Variants in CIITA observed in about 807,000 individuals in gnomAD.
CIITA encodes class II major histocompatibility complex transactivator.
A neutral mutation model predicts 115.1 loss-of-function variants in CIITA; 72 were observed. The observed-to-expected ratio is 0.63, with a 90% CI of 0.52 to 0.76. The LOEUF (loss-of-function observed/expected upper bound fraction) is 0.76. Among genes scored for constraint, CIITA ranks in the 30% least tolerant of loss-of-function variants. CIITA has a pLI of 0.00. For missense variants in CIITA, 1,617 were observed against 1,463.8 expected (o/e 1.10, Z -1.71); for synonymous variants, 763 against 635.6 (o/e 1.20, Z -3.02).
chr16:10,938,645 C>G (rs1567469101), downstream of CIITA: 1 of 152,186 alleles, frequency 6.6e-6, no homozygotes, highest in Non-Finnish European at 1.5e-5. This position sits in a 1 kb window ranked among gnomAD's most constrained non-coding sequence, Gnocchi z 4.9. Context: ...CTCTCATACC[C>G]TGGGGTTCTG....
rs937967039 is a variant in CIITA, at chr16:10,933,983, G to A, written c.*10128G>A. On this transcript the variant is annotated 3_prime_UTR_variant, in exon 20 of 20. Coordinates refer to ENST00000324288, the MANE Select transcript of CIITA (RefSeq NM_000246.4). ...ACAGACGGCAAAGGAGAAGCTGCCT[G>A]TCTCTGCACAGGTCCATGTCCCTGA... 2 of 152,220 alleles carry A rather than the reference G, an allele frequency of 1.3e-5. No individual in the cohort carries two copies. The highest frequency in any genetic ancestry group is 1.9e-4 in the East Asian group (1 of 5,200). 9.4% of individuals were successfully genotyped at this position (152,220 alleles called of 1,614,324 possible). A position where few individuals can be genotyped will look rare whatever the true frequency, so the allele number is the denominator to read the frequency against.
At chr16:10,895,805 A>G in intron 3 of CIITA, 41 bp downstream of exon 3, 17 of 1,595,076 alleles carry the variant, frequency 1.1e-5, no homozygotes, top group Non-Finnish European at 1.5e-5. Context: ...AATCAAGGGC[A>G]AGAGTTCTTT....
At chr16:10,896,858 A>C (rs977563148) in intron 3 of CIITA, among the ~76,000 whole-genome samples, 2 of 152,252 alleles carry the variant, frequency 1.3e-5, no homozygotes, top group Non-Finnish European at 2.9e-5. Context: ...AAGGAAGAAA[A>C]TGGAGGGGAC....
At position 10,923,167 on chromosome 16, in the gene CIITA, C is replaced by A; in HGVS notation, c.3318-61C>A. On this transcript the variant is annotated intron_variant, in intron 18 of 19. Coordinates refer to ENST00000324288, the MANE Select transcript of CIITA (RefSeq NM_000246.4). The surrounding 1 kb of genome is among the most constrained non-coding windows in gnomAD (Gnocchi z 5.2). ...AGGAGGGATTTGGGGGCAGCTGTCA[C>A]TGGGGCCCCAGGCCGCCCTCTCTCC... 2 of 1,474,128 alleles carry A rather than the reference C, an allele frequency of 1.4e-6. No homozygotes were observed. Among genetic ancestry groups the A allele is most frequent in the Non-Finnish European group, 1.9e-6 (2 of 1,059,276 alleles). 91.3% of individuals were successfully genotyped at this position (1,474,128 alleles called of 1,614,324 possible). A position where few individuals can be genotyped will look rare whatever the true frequency, so the allele number is the denominator to read the frequency against.
At chr16:10,867,325 G>GGC (rs1026316781) in intron 1 of CIITA, among the ~76,000 whole-genome samples, 9 of 147,488 alleles carry the variant, frequency 6.1e-5, no homozygotes, top group Non-Finnish European at 1.2e-4. Context: ...GTGTGTGTTG[G>GGC]GGGGGGGCAT....
intron 15 of CIITA, among the ~76,000 whole-genome samples, chr16:10,917,299 C>T (rs2040007100): frequency 6.6e-6 from 1 of 151,942 alleles, no homozygotes; most frequent in East Asian, 1.9e-4. Context: ...TCTCAACCTT[C>T]TGAGTAGCTG....
rs775456380 is a variant in CIITA at position 10,942,015 on chromosome 16, G to T, written n.1141G>T. 11 of 1,426,200 alleles carry T rather than the reference G, an allele frequency of 7.7e-6. No homozygotes were observed. Among genetic ancestry groups the T allele is most frequent in the Non-Finnish European group, 1.0e-5 (11 of 1,089,402 alleles). The allele number at this position is 1,426,200 out of a possible 1,614,324, so 88.3% of individuals were successfully genotyped here. Reference sequence around the variant, plus strand: ...CCCGGGCGCCGAGCATGCAGCGGGTGGCAAGGGCGGCGGCCCGGCGATCCC... The same window carrying T: ...CCCGGGCGCCGAGCATGCAGCGGGTTGCAAGGGCGGCGGCCCGGCGATCCC... On this transcript the variant is annotated non_coding_transcript_exon_variant, in exon 2 of 2. Coordinates refer to the CIITA transcript ENST00000573379. The surrounding 1 kb of genome is among the most constrained non-coding windows in gnomAD (Gnocchi z 5.0).
At chr16:10,896,713 G>A (rs192558050) in intron 3 of CIITA, among the ~76,000 whole-genome samples, 3 of 152,320 alleles carry the variant, frequency 2.0e-5, no homozygotes, top group Admixed American at 1.3e-4. Context: ...GCACCTGTGT[G>A]CAGTGAACAA....
At chr16:10,921,529 C>T (rs1414015148) in intron 16 of CIITA, among the ~76,000 whole-genome samples, 1 of 152,174 alleles carries the variant, frequency 6.6e-6, no homozygotes, top group African/African-American at 2.4e-5. Flanking sequence ...GTTATATCAG[C>T]ATTGATTCAT....
At chr16:10,916,592 A>G in intron 15 of CIITA, 133 bp downstream of exon 15, 1 of 777,858 alleles carries the variant, frequency 1.3e-6, no homozygotes, top group Non-Finnish European at 2.2e-6. Flanking sequence ...TAGTGCTATG[A>G]TCATACCTCT....
rs1266783813 is a variant in CIITA at position 10,922,103 on chromosome 16, G to A, written c.3150-64G>A. The A allele has an allele frequency of 2.8e-6, 4 of 1,418,298 alleles. No individual in the cohort carries two copies. The African/African-American group carries it at 5.6e-5, about 20-fold the overall frequency. 87.9% of individuals were successfully genotyped at this position (1,418,298 alleles called of 1,614,324 possible). ...GCTTTTTCTGGAATCTAGGGATGGT[G>A]GCTTCTGGAAGGCTGACCATGCACA... On this transcript the variant is annotated intron_variant, in intron 16 of 19. Transcript: ENST00000324288.
At chr16:10,868,898 G>A (rs761767584) in intron 1 of CIITA, among the ~76,000 whole-genome samples, 2 of 152,218 alleles carry the variant, frequency 1.3e-5, no homozygotes, top group Non-Finnish European at 2.9e-5. Flanking sequence ...CTCTTTTCCT[G>A]CTTTCTCTTT....
At position 10,908,961 on chromosome 16, in the gene CIITA, A is replaced by T. The variant is rs759338536; in HGVS notation, c.2658-68A>T. The T allele has an allele frequency of 6.2e-6, 10 of 1,611,382 alleles. No homozygotes were observed. The South Asian group carries it at 1.1e-4, about 18-fold the overall frequency. ...ATTTTAATAGGTAGGAGGACCCTTC[A>T]TGGAGCTGCCCTTCCATTAAGGTCT... On this transcript the variant is annotated intron_variant, in intron 11 of 19. Coordinates refer to ENST00000324288, the MANE Select transcript of CIITA (RefSeq NM_000246.4).
chr16:10,908,188 G>A (rs1444985935), intron 11 of CIITA, 39 bp downstream of exon 11: 1 of 1,550,370 alleles, frequency 6.5e-7, no homozygotes. Flanking sequence ...TCCTTGTGTT[G>A]GGCATTAACT....
chr16:10,898,609 G>A (rs2038382183), intron 3 of CIITA, 61 bp from the exon 4 acceptor site: 1 of 1,525,766 alleles, frequency 6.6e-7, no homozygotes. Context: ...CCAAGGCCTG[G>A]CACACAGTGG....
Position 10,942,349 on chromosome 16 carries a change from AG to A in CIITA, n.1478del, listed in dbSNP as rs1233536160. ...GGGATCCCACCGCGGCTCAGTGTCT[AG>A]GGCCGGTCCCGGCAGCCTTCTCTCC... is the stretch of plus-strand genomic sequence containing the variant. On this transcript the variant is annotated non_coding_transcript_exon_variant, in exon 2 of 2. Coordinates refer to the CIITA transcript ENST00000573379. The surrounding 1 kb of genome is among the most constrained non-coding windows in gnomAD (Gnocchi z 5.0). 4.8e-6 allele frequency: 1 copy of A among 207,610 alleles called. No homozygotes were observed. The highest frequency in any genetic ancestry group is 9.7e-6 in the Non-Finnish European group (1 of 102,906). 12.9% of individuals were successfully genotyped at this position (207,610 alleles called of 1,614,324 possible).
chr16:10,909,265 T>A, intron 12 of CIITA, 78 bp downstream of exon 12: 1 of 1,505,540 alleles, frequency 6.6e-7, no homozygotes, highest in Non-Finnish European at 9.2e-7. Flanking sequence ...AAGTTTGTCA[T>A]GGGCATTTCC....
intron 3 of CIITA, among the ~76,000 whole-genome samples, chr16:10,896,030 G>A (rs1203246907): frequency 6.6e-6 from 1 of 150,890 alleles, no homozygotes; most frequent in Admixed American, 6.6e-5. Flanking sequence ...ATTTCTATAC[G>A]CATTTCTGCT....
rs199829790 is a variant in CIITA at position 10,916,394 on chromosome 16, C to G, written c.2997C>G (p.Ile999Met). 1.2e-6 allele frequency: 2 copies of G among 1,613,874 alleles called. No individual in the cohort carries two copies. Among genetic ancestry groups the G allele is most frequent in the Non-Finnish European group, 1.7e-6 (2 of 1,179,898 alleles). ...TGGATGCGCTGAGTGAGAACAAGAT[C>G]GGGGACGAGGGTGTCTCGCAGCTCT... is the stretch of plus-strand genomic sequence containing the variant. Reference protein sequence around the residue: ...LDLDALSENKIGDEGVSQLSA... With the variant: ...LDLDALSENKMGDEGVSQLSA... The change falls in exon 15 of 20, where the codon ATC (isoleucine) becomes ATG (methionine). Residue 999 changes from isoleucine to methionine, a missense_variant. Ile to Met is a conservative substitution (Grantham distance 10). Coordinates refer to ENST00000324288, the MANE Select transcript of CIITA (RefSeq NM_000246.4).
Sources: allele counts gnomAD v4.1 joint callset (sites outside exome capture counted in the v4.1 genomes callset), GRCh38; gene constraint gnomAD v4.1.1; non-coding constraint Gnocchi (gnomAD v3.1); transcripts MANE v1.5; gene names NCBI Gene and HGNC (gene_info 2026-07-23, HGNC 2026-07-21).